CEP95: variants seen among roughly 807,000 people sequenced by gnomAD.
CEP95 encodes centrosomal protein of 95 kDa.
In CEP95, 98 loss-of-function variants were observed where a neutral mutation model predicts 111.2. The observed-to-expected ratio is 0.88, with a 90% confidence interval of 0.75 to 1.04. The LOEUF (loss-of-function observed/expected upper bound fraction) is 1.04. Ranked by LOEUF, CEP95 falls within the 50% of genes least tolerant of loss-of-function variation. CEP95 has a pLI of 0.00. For synonymous variants in CEP95, 323 were observed against 327.1 expected, an observed-to-expected ratio of 0.99 and a Z score of 0.14; for missense variants, 1,027 against 977.2, an observed-to-expected ratio of 1.05 and a Z score of -0.68.
intron 3 of CEP95, among the ~76,000 whole-genome samples, chr17:64,512,693 A>G (rs2038958038): frequency 6.6e-6 from 1 of 152,170 alleles, no homozygotes; most frequent in Non-Finnish European, 1.5e-5. Flanking sequence ...ACAAGAACAA[A>G]TTTTTGCGAA....
rs989068937 is a variant in CEP95, at chr17:64,537,841, C to T, written c.*62C>T. The stretch of plus-strand genomic sequence containing the variant: ...GCCTTTACCAGGACAGAGCTAGAAT[C>T]GAGCCAGTAAACAGTCTAAGCCAGA... On this transcript the variant is annotated 3_prime_UTR_variant, in exon 20 of 20. Transcript: ENST00000556440. 7.5e-5 allele frequency: 78 copies of T among 1,044,062 alleles called. No homozygotes were observed. The highest frequency in any genetic ancestry group is 5.8e-4 in the South Asian group (22 of 38,208). 64.7% of individuals were successfully genotyped at this position (1,044,062 alleles called of 1,614,324 possible).
At chr17:64,534,266 C>T (rs1356037127) in intron 16 of CEP95, 2 of 262,134 alleles carry the variant, frequency 7.6e-6, no homozygotes, top group African/African-American at 2.2e-5. Context: ...TCTGGGTGTG[C>T]CATTTTCCTA....
At chr17:64,518,552 T>G (rs1386037231) in intron 5 of CEP95, among the ~76,000 whole-genome samples, 3 of 152,240 alleles carry the variant, frequency 2.0e-5, no homozygotes, top group Admixed American at 6.5e-5. Flanking sequence ...CAGGTTTGAT[T>G]GCACTTCTTG....
chr17:64,533,005 T>C lies in CEP95; in HGVS notation c.1839T>C (p.Asp613=). 1 of 1,611,164 alleles carries C rather than the reference T, an allele frequency of 6.2e-7. No individual in the cohort carries two copies. Among genetic ancestry groups the C allele is most frequent in the Non-Finnish European group, 8.5e-7 (1 of 1,179,196 alleles). Reference sequence around the variant, plus strand: ...ATCGATCAAAGAAGAAACTCCAAGATGAAGTAAGTTACTGTCAGTCTTAAG... The same window carrying C: ...ATCGATCAAAGAAGAAACTCCAAGACGAAGTAAGTTACTGTCAGTCTTAAG... ...RENRSKKKLQ[D]EIEEALRRHD... is the part of the protein sequence containing the mutation. The change falls in exon 15 of 20, where the codon GAT becomes GAC. Residue 613 remains aspartate, a synonymous_variant. Coordinates refer to ENST00000556440, the MANE Select transcript of CEP95 (RefSeq NM_138363.3).
chr17:64,512,110 C>T (rs894498639), intron 3 of CEP95, among the ~76,000 whole-genome samples: 2 of 152,130 alleles, frequency 1.3e-5, no homozygotes, highest in African/African-American at 2.4e-5. Context: ...CACAATGTTC[C>T]GTGTTGGGAA....
intron 2 of CEP95, among the ~76,000 whole-genome samples, chr17:64,509,529 AC>A (rs1324655851): frequency 6.6e-6 from 1 of 152,212 alleles, no homozygotes; most frequent in African/African-American, 2.4e-5. Flanking sequence ...TGCTAAAAAT[AC>A]AAAAATTAGC....
At chr17:64,507,842 A>G (rs1269357707) in intron 1 of CEP95, 1 of 985,404 alleles carries the variant, frequency 1.0e-6, no homozygotes, top group Non-Finnish European at 1.2e-6. Context: ...TTTCCTACCA[A>G]TTCCCAGGCA....
intron 19 of CEP95, 195 bp from the exon 20 acceptor site, chr17:64,537,408 T>C: frequency 4.4e-6 from 6 of 1,378,294 alleles, no homozygotes; most frequent in Non-Finnish European, 5.6e-6. Flanking sequence ...AGAAGACTAA[T>C]AAGGCAATCC....
At chr17:64,521,361 T>C in intron 6 of CEP95, 41 bp from the exon 7 acceptor site, 1 of 1,480,176 alleles carries the variant, frequency 6.8e-7, no homozygotes, top group Non-Finnish European at 9.3e-7. Flanking sequence ...GCAAACTATT[T>C]TGATAGTTAA....
At chr17:64,521,876 A>G (rs1308053078) in intron 7 of CEP95, among the ~76,000 whole-genome samples, 4 of 152,040 alleles carry the variant, frequency 2.6e-5, no homozygotes, top group African/African-American at 9.7e-5. Context: ...TATTGTTTCG[A>G]GACAGAGTCT....
intron 6 of CEP95, 133 bp from the exon 7 acceptor site, chr17:64,521,269 G>T: frequency 1.6e-6 from 1 of 642,276 alleles, no homozygotes; most frequent in South Asian, 2.1e-5. Context: ...ATTTTGAGCA[G>T]TTGGACCAAC....
rs2038577695 is a variant in CEP95, at chr17:64,507,047, C to T, written c.-51C>T. ...TGCGTGGATCGGTCCTTCCAGGACA[C>T]CGTCGCCTTCCCGGCCGCGTCGGAG... On this transcript the variant is annotated 5_prime_UTR_variant, in exon 1 of 20. Transcript: ENST00000556440. 24 of 1,550,074 alleles carry T rather than the reference C, an allele frequency of 1.5e-5. No homozygotes were observed. Among genetic ancestry groups the T allele is most frequent in the East Asian group, 4.9e-5 (2 of 40,914 alleles).
At chr17:64,530,269 C>T (rs907068881) in intron 12 of CEP95, among the ~76,000 whole-genome samples, 1 of 152,060 alleles carries the variant, frequency 6.6e-6, no homozygotes, top group Admixed American at 6.5e-5. Context: ...ACCTGTAGTC[C>T]CAGCTACTCA....
intron 1 of CEP95, 168 bp downstream of exon 1, chr17:64,507,284 C>G (rs782055038): frequency 1.0e-5 from 15 of 1,472,720 alleles, no homozygotes; most frequent in Non-Finnish European, 1.4e-5. Flanking sequence ...TTCACCACCT[C>G]TTCGCTTCGA....
At chr17:64,508,845 T>C (rs782582199) in intron 2 of CEP95, 125 bp downstream of exon 2, 174 of 254,892 alleles carry the variant, frequency 6.8e-4, no homozygotes, top group Non-Finnish European at 9.7e-4. Flanking sequence ...TTTTTTAATA[T>C]TGCATATTAA....
intron 2 of CEP95, among the ~76,000 whole-genome samples, chr17:64,509,659 T>G (rs1168934725): frequency 6.6e-6 from 1 of 152,160 alleles, no homozygotes; most frequent in Non-Finnish European, 1.5e-5. Context: ...CATTCCAGCC[T>G]GGGCGATAGA....
In CEP95 at chr17:64,532,020, C is replaced by G; in HGVS notation, c.1670C>G (p.Pro557Arg). 1 of 1,569,898 alleles carries G rather than the reference C, an allele frequency of 6.4e-7. No homozygotes were observed. The highest frequency in any genetic ancestry group is 1.2e-5 in the South Asian group (1 of 83,404). The stretch of plus-strand genomic sequence containing the variant: ...CTCCCAAAGCCAAATAAAGCAGTTC[C>G]AAGTAAGAACCACAGAATTGTACTT... Reference protein sequence around the residue: ...GGLPKPNKAVPMKVSEHSLLP... With the variant: ...GGLPKPNKAVRMKVSEHSLLP... The change falls in exon 14 of 20, where the codon CCA becomes CGA. Residue 557 changes from proline to arginine, a missense_variant and splice_region_variant. By Grantham distance (103) the Pro-to-Arg change is moderately radical. Coordinates refer to ENST00000556440, the MANE Select transcript of CEP95 (RefSeq NM_138363.3).
At chr17:64,509,489 A>G (rs1555674094) in intron 2 of CEP95, among the ~76,000 whole-genome samples, 2 of 152,224 alleles carry the variant, frequency 1.3e-5, no homozygotes, top group African/African-American at 4.8e-5. Flanking sequence ...GTTCAATACC[A>G]GCCTGGCCAA....
intron 1 of CEP95, chr17:64,507,560 A>G (rs1404159359): frequency 9.6e-7 from 1 of 1,039,762 alleles, no homozygotes; most frequent in Non-Finnish European, 1.2e-6. Context: ...GCCCCTGTAG[A>G]ATAGTTGTGC....
Sources: allele counts gnomAD v4.1 joint callset (sites outside exome capture counted in the v4.1 genomes callset), GRCh38; gene constraint gnomAD v4.1.1; transcripts MANE v1.5; gene names NCBI Gene and HGNC (gene_info 2026-07-23, HGNC 2026-07-21).